Variants in ATP8A2 observed in about 807,000 individuals in gnomAD.
ATP8A2 encodes the protein phospholipid-transporting ATPase IB.
ATP8A2 carries 100 observed loss-of-function variants against 165.6 expected under a neutral mutation model. The observed-to-expected ratio is 0.60, with a 90% confidence interval of 0.51 to 0.71. The LOEUF is 0.71. Among genes scored for constraint, ATP8A2 ranks in the 30% least tolerant of loss-of-function variants. The probability of loss-of-function intolerance (pLI) is 0.00; values close to 1 mark genes in which losing one functional copy is unlikely to be tolerated. For missense variants in ATP8A2, 1,227 were observed against 1,479.5 expected (o/e 0.83, Z 2.80); for synonymous variants, 543 against 548.8 (o/e 0.99, Z 0.15).
intron 35 of ATP8A2, among the ~76,000 whole-genome samples, chr13:25,977,873 G>A (rs1052644807): frequency 6.6e-6 from 1 of 152,180 alleles, no homozygotes; most frequent in African/African-American, 2.4e-5. Flanking sequence ...CTTGATGGAG[G>A]GAGGTAAGTG....
intron 25 of ATP8A2, among the ~76,000 whole-genome samples, chr13:25,751,957 G>A (rs867283933): frequency 2.7e-5 from 4 of 150,484 alleles, no homozygotes; most frequent in Admixed American, 1.3e-4. Flanking sequence ...GTGTACTGTT[G>A]TAATTTGCTT....
chr13:25,603,911 G>T (rs756623093), intron 24 of ATP8A2, among the ~76,000 whole-genome samples: 1 of 152,062 alleles, frequency 6.6e-6, no homozygotes, highest in Non-Finnish European at 1.5e-5. Context: ...GGGAAATCAG[G>T]GGAAAGGTCT....
chr13:25,490,726 G>GTTTTTTT (rs61044184), intron 2 of ATP8A2, among the ~76,000 whole-genome samples: 1 of 149,896 alleles, frequency 6.7e-6, no homozygotes, highest in African/African-American at 2.5e-5. Context: ...TAGTTTTTTT[G>GTTTTTTT]TTTTTTTTTT....
intron 25 of ATP8A2, among the ~76,000 whole-genome samples, chr13:25,746,286 C>T (rs1474958510): frequency 1.3e-5 from 2 of 152,142 alleles, no homozygotes; most frequent in African/African-American, 2.4e-5. Context: ...TCATGGCTCT[C>T]AGGATGTCTG....
intron 12 of ATP8A2, 116 bp from the exon 13 acceptor site, chr13:25,554,875 A>G (rs2038934061): frequency 4.6e-6 from 3 of 654,310 alleles, no homozygotes; most frequent in Non-Finnish European, 4.9e-6. Flanking sequence ...CAGCATTTCT[A>G]TTAAAATAAA....
intron 25 of ATP8A2, among the ~76,000 whole-genome samples, chr13:25,721,040 C>T (rs541415298): frequency 1.3e-5 from 2 of 150,408 alleles, no homozygotes; most frequent in South Asian, 2.1e-4. Flanking sequence ...ATCTGTACCT[C>T]GAACTCCTAG....
intron 27 of ATP8A2, among the ~76,000 whole-genome samples, chr13:25,775,950 C>A (rs1434059898): frequency 6.6e-6 from 1 of 152,146 alleles, no homozygotes; most frequent in Non-Finnish European, 1.5e-5. Flanking sequence ...CTAATCTTTC[C>A]TACTCAATCA....
intron 24 of ATP8A2, among the ~76,000 whole-genome samples, chr13:25,676,360 C>T (rs1426817091): frequency 2.0e-5 from 3 of 152,112 alleles, no homozygotes. Flanking sequence ...AGTAGCTCTT[C>T]CCCCGGCTTG....
rs143531737 is a variant in ATP8A2, at chr13:25,985,964, G to C, written c.3377+17285G>C. Among the ~76,000 whole-genome samples, 947 of 152,320 alleles carry C rather than the reference G, an allele frequency of 6.2e-3. 9 individuals carry two copies. The highest frequency in any genetic ancestry group is 0.02 in the African/African-American group (815 of 41,568). Reference sequence around the variant, plus strand: ...ATTCACATGTCTCCTTCAGGCCTCTGAGAATTTCATGAAAGCCACGTGCTA... The same window carrying C: ...ATTCACATGTCTCCTTCAGGCCTCTCAGAATTTCATGAAAGCCACGTGCTA... On this transcript the variant is annotated intron_variant, in intron 35 of 36. Transcript: ENST00000381655.
intron 27 of ATP8A2, among the ~76,000 whole-genome samples, chr13:25,805,855 C>A (rs758261071): frequency 6.6e-6 from 1 of 151,950 alleles, no homozygotes; most frequent in Non-Finnish European, 1.5e-5. Flanking sequence ...TAAATGATTG[C>A]CAATATAGTT....
chr13:25,663,094 G>C (rs937840782), intron 24 of ATP8A2, among the ~76,000 whole-genome samples: 3 of 152,202 alleles, frequency 2.0e-5, no homozygotes, highest in Non-Finnish European at 4.4e-5. Context: ...CTGCTTGGCA[G>C]ATTTGAGGAC....
At chr13:25,671,929 G>A (rs752266080) in intron 24 of ATP8A2, among the ~76,000 whole-genome samples, 12 of 152,100 alleles carry the variant, frequency 7.9e-5, no homozygotes, top group Non-Finnish European at 1.2e-4. Flanking sequence ...GGGGTATCAC[G>A]GGACCTACCG....
At chr13:25,557,474 A>G (rs1237383373) in intron 13 of ATP8A2, among the ~76,000 whole-genome samples, 1 of 151,992 alleles carries the variant, frequency 6.6e-6, no homozygotes, top group Admixed American at 6.6e-5. Context: ...ATCAGGCTAA[A>G]TTTGCCTTCT....
In ATP8A2 at chr13:25,432,063, G is replaced by A. The variant is rs116788724; in HGVS notation, c.77-36914G>A. On this transcript the variant is annotated intron_variant, in intron 1 of 36. Coordinates refer to ENST00000381655, the MANE Select transcript of ATP8A2 (RefSeq NM_016529.6). ...GTCATCTGTGTAGTAGCTTGAATTAGAACCTTATTCTTTTATTTACTGCTG... is the reference window on the plus strand; with the variant it reads ...GTCATCTGTGTAGTAGCTTGAATTAAAACCTTATTCTTTTATTTACTGCTG... Among the ~76,000 whole-genome samples, 1,292 of 152,276 alleles carry A rather than the reference G, an allele frequency of 8.5e-3. 20 individuals carry two copies. Among genetic ancestry groups the A allele is most frequent in the African/African-American group, 0.029 (1,196 of 41,542 alleles).
intron 27 of ATP8A2, among the ~76,000 whole-genome samples, chr13:25,789,711 G>A (rs989798780): frequency 6.6e-6 from 1 of 152,178 alleles, no homozygotes; most frequent in African/African-American, 2.4e-5. Context: ...ATTCTTCATA[G>A]TACTAGAAAA....
chr13:25,781,040 T>C (rs916045307), intron 27 of ATP8A2, among the ~76,000 whole-genome samples: 1 of 152,106 alleles, frequency 6.6e-6, no homozygotes, highest in Admixed American at 6.6e-5. Context: ...GGTGGGTGGA[T>C]CACGAGGTCA....
At chr13:25,377,792 TAACAA>T (rs959466037) in intron 1 of ATP8A2, among the ~76,000 whole-genome samples, 3 of 151,932 alleles carry the variant, frequency 2.0e-5, no homozygotes, top group African/African-American at 4.8e-5. Flanking sequence ...ACTCTCTCTC[TAACAA>T]AACAAAACAA....
intron 2 of ATP8A2, among the ~76,000 whole-genome samples, chr13:25,478,164 A>C (rs546628006): frequency 1.4e-4 from 21 of 151,588 alleles, no homozygotes; most frequent in African/African-American, 4.8e-4. Flanking sequence ...GAAAACCCTT[A>C]CTCTCGGGGC....
At chr13:25,413,521 A>G (rs1197463955) in intron 1 of ATP8A2, among the ~76,000 whole-genome samples, 1 of 152,092 alleles carries the variant, frequency 6.6e-6, no homozygotes, top group Admixed American at 6.5e-5. Context: ...GCCTCAGGTG[A>G]TCTGCCCGCC....
Sources: allele counts gnomAD v4.1 joint callset (sites outside exome capture counted in the v4.1 genomes callset), GRCh38; gene constraint gnomAD v4.1.1; transcripts MANE v1.5; gene names NCBI Gene and HGNC (gene_info 2026-07-23, HGNC 2026-07-21).